FA2H: variants seen among roughly 807,000 people sequenced by gnomAD.
FA2H encodes the protein fatty acid 2-hydroxylase, also known as fatty acid alpha-hydroxylase.
FA2H carries 22 observed loss-of-function variants against 44.9 expected under a neutral mutation model. The observed-to-expected ratio is 0.49, with a 90% confidence interval of 0.35 to 0.70. The LOEUF (loss-of-function observed/expected upper bound fraction) is 0.70, where lower values mean the gene tolerates loss of function less well. Among genes scored for constraint, FA2H ranks in the 30% least tolerant of loss-of-function variants. FA2H has a pLI of 0.01. For missense variants in FA2H, 501 were observed against 504.9 expected, an observed-to-expected ratio of 0.99 and a Z score of 0.07; for synonymous variants, 243 against 213.2, an observed-to-expected ratio of 1.14 and a Z score of -1.22.
rs778689972 is a variant in FA2H at position 74,740,032 on chromosome 16, A to G, written c.354T>C (p.Asp118=). The G allele has an allele frequency of 3.7e-6, 6 of 1,613,242 alleles. No homozygotes were observed. In the South Asian group the frequency reaches 4.4e-5, roughly 12 times the overall value. ...PAMEPRFKVV[D]WDKDLVDWRK... ...ATCCTATGCCAGGTACCTTGTCCCA[A>G]TCCACCACTTTGAACCGTGGTTCCA... The change falls in exon 2 of 7, where the codon GAT becomes GAC. Residue 118 remains aspartate (D), a synonymous_variant. Transcript: ENST00000219368.
chr16:74,722,835 C>A (rs1183685284), intron 4 of FA2H, among the ~76,000 whole-genome samples: 2 of 149,498 alleles, frequency 1.3e-5, no homozygotes, highest in African/African-American at 5.0e-5. Flanking sequence ...CGCTTGAACC[C>A]GAGAGGCAGA....
intron 2 of FA2H, among the ~76,000 whole-genome samples, chr16:74,737,880 G>A (rs757769336): frequency 6.6e-6 from 1 of 152,278 alleles, no homozygotes; most frequent in South Asian, 2.1e-4. Flanking sequence ...GCAACAGAGA[G>A]AGGGCTCAGG....
At chr16:74,730,288 C>T (rs1157233330) in intron 2 of FA2H, among the ~76,000 whole-genome samples, 1 of 152,140 alleles carries the variant, frequency 6.6e-6, no homozygotes, top group Non-Finnish European at 1.5e-5. Context: ...GTCCCAGGTA[C>T]TGGCTGCCTT....
At chr16:74,726,063 A>G (rs554400351) in intron 4 of FA2H, 162 bp downstream of exon 4, 5 of 636,086 alleles carry the variant, frequency 7.9e-6, no homozygotes, top group Non-Finnish European at 1.4e-5. Context: ...GGAGTCAGAC[A>G]AAATTCTTCT....
At chr16:74,728,483 G>A (rs548696678) in intron 2 of FA2H, among the ~76,000 whole-genome samples, 3 of 152,242 alleles carry the variant, frequency 2.0e-5, no homozygotes, top group South Asian at 2.1e-4. Context: ...GAGAGGAAAG[G>A]ATGACAGGGA....
chr16:74,749,383 C>T (rs929188050), intron 1 of FA2H, among the ~76,000 whole-genome samples: 1 of 144,480 alleles, frequency 6.9e-6, no homozygotes, highest in Non-Finnish European at 1.5e-5. Flanking sequence ...TCCCCGCAGT[C>T]ATTGCAAGGC....
At chr16:74,727,448 T>C (rs1380761827) in intron 2 of FA2H, 62 bp from the exon 3 acceptor site, 4 of 1,567,740 alleles carry the variant, frequency 2.6e-6, no homozygotes, top group Middle Eastern at 1.7e-4. Context: ...CGTTCTCCCA[T>C]TTCCTCGTTA....
At position 74,716,572 on chromosome 16, in the gene FA2H, A is replaced by T. The variant is rs775735494; in HGVS notation, c.814T>A (p.Phe272Ile). 5 of 1,590,514 alleles carry T rather than the reference A, an allele frequency of 3.1e-6. No homozygotes were observed. The highest frequency in any genetic ancestry group is 4.3e-6 in the Non-Finnish European group (5 of 1,168,898). Residue 272 changes from phenylalanine to isoleucine, a missense_variant, in exon 6 of 7, where the codon TTC becomes ATC. Physicochemically the swap from Phe to Ile is conservative, Grantham distance 21. Coordinates refer to ENST00000219368, the MANE Select transcript of FA2H (RefSeq NM_024306.5). ...KAPFDGSRLVFPPVPASLVIG... is the reference protein window; with the variant it reads ...KAPFDGSRLVIPPVPASLVIG... ...ACCAGGGAGGCTGGCACAGGGGGGA[A>T]GACCAGGCGGGAGCCGTCGAAGGGT...
At chr16:74,724,073 T>A (rs1461637244) in intron 4 of FA2H, among the ~76,000 whole-genome samples, 1 of 152,026 alleles carries the variant, frequency 6.6e-6, no homozygotes, top group Non-Finnish European at 1.5e-5. Context: ...GGCTAATTTT[T>A]ATATTTTTAG....
chr16:74,738,566 C>T (rs937879667), intron 2 of FA2H, among the ~76,000 whole-genome samples: 8 of 152,194 alleles, frequency 5.3e-5, no homozygotes, highest in African/African-American at 1.9e-4. Flanking sequence ...CACATTTGTT[C>T]AGTCCCGGTC....
chr16:74,736,201 C>T (rs11645307), intron 2 of FA2H, among the ~76,000 whole-genome samples: 34,226 of 152,094 alleles, frequency 0.23, 5,036 homozygotes, highest in Middle Eastern at 0.35. Flanking sequence ...GAGCTCTGAG[C>T]AAGGAGGCAG....
intron 1 of FA2H, among the ~76,000 whole-genome samples, chr16:74,741,804 A>ATATATATATATATG (rs1962306799): frequency 3.5e-5 from 2 of 57,824 alleles, no homozygotes; most frequent in African/African-American, 1.5e-4. Context: ...ATATATATAT[A>ATATATATATATATG]TATATGTGTG....
intron 2 of FA2H, among the ~76,000 whole-genome samples, chr16:74,737,925 C>G (rs1962214056): frequency 6.6e-6 from 1 of 152,244 alleles, no homozygotes; most frequent in Non-Finnish European, 1.5e-5. Context: ...CCTCTCTGTT[C>G]CCACTAACGG....
At chr16:74,751,585 G>C (rs1218124514) in intron 1 of FA2H, among the ~76,000 whole-genome samples, 1 of 152,100 alleles carries the variant, frequency 6.6e-6, no homozygotes, top group South Asian at 2.1e-4. Context: ...GTCAGTGCCT[G>C]CCTGACATGG....
At chr16:74,753,428 T>G (rs1962563289) in intron 1 of FA2H, among the ~76,000 whole-genome samples, 1 of 152,132 alleles carries the variant, frequency 6.6e-6, no homozygotes, top group East Asian at 1.9e-4. Context: ...GGCTCATGCC[T>G]CCCAGCACTT....
rs1463651673 is a variant in FA2H, at chr16:74,726,249, G to C, written c.589C>G (p.Arg197Gly). The change falls in exon 4 of 7, where the codon CGA becomes GGA. Residue 197 changes from arginine (R) to glycine (G), a missense_variant. Physicochemically the swap from Arg to Gly is moderately radical, Grantham distance 125. Coordinates refer to ENST00000219368, the MANE Select transcript of FA2H (RefSeq NM_024306.5). The stretch of plus-strand genomic sequence containing the variant: ...CCTGTTGTAAATGACGTGAAGAGTC[G>C]GACGTTGCCCTGGGCAAAGGTTCGG... The part of the protein sequence containing the change: ...YYRTFAQGNV[R>G]LFTSFTTEYT... 3 of 1,613,514 alleles carry C rather than the reference G, an allele frequency of 1.9e-6. No individual in the cohort carries two copies. Among genetic ancestry groups the C allele is most frequent in the Non-Finnish European group, 2.5e-6 (3 of 1,179,620 alleles).
chr16:74,727,143 T>C, intron 3 of FA2H, 101 bp downstream of exon 3: 2 of 1,483,710 alleles, frequency 1.3e-6, no homozygotes, highest in Admixed American at 1.7e-5. Flanking sequence ...AGCATAGACC[T>C]GGGCTCTGGG....
chr16:74,726,773 G>A (rs778311515), intron 3 of FA2H, among the ~76,000 whole-genome samples: 1 of 152,162 alleles, frequency 6.6e-6, no homozygotes, highest in Non-Finnish European at 1.5e-5. Flanking sequence ...ATGGAGACCT[G>A]GGGTCAAAGG....
chr16:74,735,162 C>T (rs1847113773), intron 2 of FA2H, among the ~76,000 whole-genome samples: 1 of 152,234 alleles, frequency 6.6e-6, no homozygotes, highest in Non-Finnish European at 1.5e-5. Flanking sequence ...TCGAGTGCCC[C>T]ACTCACAGCC....
Sources: gnomAD v4.1 joint callset for allele counts (sites outside exome capture counted in the v4.1 genomes callset) on GRCh38, gnomAD v4.1.1 for gene constraint, MANE v1.5 for transcripts, NCBI Gene and HGNC (gene_info 2026-07-23, HGNC 2026-07-21) for gene names.